Variants in XIST observed in about 807,000 individuals in gnomAD.
The protein encoded by XIST is X inactive specific transcript (non-protein coding).
At position 73,847,640 on chromosome X, in the gene XIST, A is replaced by G. The variant is rs770068885; in HGVS notation, n.5084T>C. 8.7e-5 allele frequency: 45 copies of G among 516,504 alleles called. No individual in the cohort carries two copies. The Admixed American group carries it at 1.2e-3, about 13-fold the overall frequency. The allele number at this position is 516,504 out of a possible 1,213,427, so 42.6% of individuals were successfully genotyped here. On this transcript the variant is annotated non_coding_transcript_exon_variant, in exon 1 of 6. Transcript: ENST00000429829. ...AAAAGCTAGATATTAGCTTGATATAAAAGACTCAGTTCTAATCAATTAGAC... is the reference window on the plus strand; with the variant it reads ...AAAAGCTAGATATTAGCTTGATATAGAAGACTCAGTTCTAATCAATTAGAC...
chrX:73,832,251 T>A (rs1231381612), intron 3 of XIST, among the ~76,000 whole-genome samples: 1 of 110,584 alleles, frequency 9.0e-6, no homozygotes, highest in East Asian at 2.8e-4. Context: ...GGAGAATAAC[T>A]TGAACCCAGG....
exon 1 of XIST, chrX:73,847,828 G>A (rs773569388): frequency 1.8e-6 from 1 of 558,873 alleles, no homozygotes; most frequent in Non-Finnish European, 3.2e-6. Flanking sequence ...AGGTTTAAAG[G>A]GAGAGACCAT....
exon 6 of XIST, chrX:73,823,910 C>T (rs183652815): frequency 7.2e-6 from 4 of 554,448 alleles, no homozygotes; most frequent in Admixed American, 2.2e-5. Flanking sequence ...CATGTAGTTC[C>T]GAGCCCCACA....
intron 3 of XIST, chrX:73,831,431 G>A: frequency 3.0e-6 from 1 of 331,128 alleles, no homozygotes; most frequent in Non-Finnish European, 5.2e-6. Flanking sequence ...TTATATTCTG[G>A]CTACCAACTT....
exon 1 of XIST, chrX:73,844,278 T>G: frequency 1.8e-6 from 1 of 559,255 alleles, no homozygotes; most frequent in Non-Finnish European, 3.2e-6. Flanking sequence ...CATACATTAA[T>G]GTCCAAGGGA....
chrX:73,851,690 A>G (rs767803413), exon 1 of XIST: 18 of 557,284 alleles, frequency 3.2e-5, no homozygotes, highest in Non-Finnish European at 5.2e-5. Flanking sequence ...AAATCAATTC[A>G]TTCAGATAGG....
chrX:73,852,219 G>A (rs1359829355), exon 1 of XIST: 6 of 539,758 alleles, frequency 1.1e-5, no homozygotes, highest in Non-Finnish European at 2.0e-5. Flanking sequence ...AGAGGGGAAG[G>A]GAATCAGCAG....
Position 73,825,820 on chromosome X carries a change from G to A in XIST, n.14081C>T, listed in dbSNP as rs756864449. On this transcript the variant is annotated non_coding_transcript_exon_variant, in exon 6 of 6. Transcript: ENST00000429829. ...ATACACTAATTGGTTTTTCTCTTAT[G>A]TTTTACAGTGCTTTCATACACATTA... 9 of 543,921 alleles carry A rather than the reference G, an allele frequency of 1.7e-5. No homozygotes were observed. The East Asian group carries it at 3.0e-4, about 18-fold the overall frequency. 44.8% of individuals were successfully genotyped at this position (543,921 alleles called of 1,213,427 possible).
chrX:73,851,714 A>C, exon 1 of XIST: 1 of 559,134 alleles, frequency 1.8e-6, no homozygotes, highest in Non-Finnish European at 3.2e-6. Context: ...AGCTCATGCA[A>C]TGCACATGAC....
exon 1 of XIST, chrX:73,844,947 G>T (rs1276480224): frequency 3.6e-6 from 2 of 553,967 alleles, no homozygotes; most frequent in Non-Finnish European, 6.5e-6. Flanking sequence ...GGGTGGGGCA[G>T]GGGAGGCTTC....
chrX:73,828,434 G>C (rs1857976206), intron 5 of XIST: 1 of 119,618 alleles, frequency 8.4e-6, no homozygotes, highest in Non-Finnish European at 1.7e-5. Context: ...AGTTGTCAAA[G>C]GTCATATACC....
At chrX:73,835,151 T>C (rs1569511960) in intron 2 of XIST, among the ~76,000 whole-genome samples, 1 of 111,300 alleles carries the variant, frequency 9.0e-6, no homozygotes, top group African/African-American at 3.3e-5. Context: ...AACTGTGGGG[T>C]CTGTGCATAG....
chrX:73,833,101 C>A, intron 3 of XIST: 1 of 431,743 alleles, frequency 2.3e-6, no homozygotes, highest in East Asian at 3.7e-5. Context: ...CAAGTGATCC[C>A]CCCACCTCAA....
rs775058574 is a variant in XIST at position 73,847,201 on chromosome X, G to A, written n.5523C>T. Reference sequence around the variant, plus strand: ...AAGTATGCACATTAACAGTCCAAGAGAGTGAATTCAGGCTAGTTAGAAGCT... The same window carrying A: ...AAGTATGCACATTAACAGTCCAAGAAAGTGAATTCAGGCTAGTTAGAAGCT... On this transcript the variant is annotated non_coding_transcript_exon_variant, in exon 1 of 6. Coordinates refer to ENST00000429829, the Ensembl canonical transcript of XIST. 7.2e-6 allele frequency: 4 copies of A among 558,959 alleles called. No homozygotes were observed. In the East Asian group the frequency reaches 1.3e-4, roughly 18 times the overall value. The allele number at this position is 558,959 out of a possible 1,213,427, so 46.1% of individuals were successfully genotyped here.
At chrX:73,845,956 A>T in exon 1 of XIST, 1 of 554,968 alleles carries the variant, frequency 1.8e-6, no homozygotes, top group East Asian at 3.3e-5. Flanking sequence ...TGAGAGTAGG[A>T]CCTTATTCAG....
At position 73,849,017 on chromosome X, in the gene XIST, CAA is replaced by C. The variant is rs768577354; in HGVS notation, n.3705_3706del. On this transcript the variant is annotated non_coding_transcript_exon_variant, in exon 1 of 6. Transcript: ENST00000429829. The stretch of plus-strand genomic sequence containing the variant: ...ATGAGTCAGTCCCACTGCTGTTATG[CAA>C]AGATGTTTGCAAAGGCCATAGTGTA... 3 of 557,056 alleles carry C rather than the reference CAA, an allele frequency of 5.4e-6. No homozygotes were observed. The African/African-American group carries it at 6.7e-5, about 12-fold the overall frequency. The allele number at this position is 557,056 out of a possible 1,213,427, so 45.9% of individuals were successfully genotyped here. A position where few individuals can be genotyped will look rare whatever the true frequency, so the allele number is the denominator to read the frequency against.
chrX:73,842,029 G>GTGT lies in XIST; in HGVS notation n.10692_10694dup. 3 of 549,833 alleles carry GTGT rather than the reference G, an allele frequency of 5.5e-6. No homozygotes were observed. In the South Asian group the frequency reaches 6.9e-5, roughly 13 times the overall value. The allele number at this position is 549,833 out of a possible 1,213,427, so 45.3% of individuals were successfully genotyped here. A position where few individuals can be genotyped will look rare whatever the true frequency, so the allele number is the denominator to read the frequency against. Reference sequence around the variant, plus strand: ...TTTGATATTAAAATAGCAAGAGTCAGTGTTCTATCCACAGACCCACCACCC... The same window carrying GTGT: ...TTTGATATTAAAATAGCAAGAGTCAGTGTTGTTCTATCCACAGACCCACCACCC... On this transcript the variant is annotated non_coding_transcript_exon_variant, in exon 1 of 6. Coordinates refer to ENST00000429829, the Ensembl canonical transcript of XIST.
In XIST at chrX:73,843,549, G is replaced by C. The variant is rs752713400; in HGVS notation, n.9175C>G. 15 of 557,104 alleles carry C rather than the reference G, an allele frequency of 2.7e-5. No homozygotes were observed. The Admixed American group carries it at 3.3e-4, about 12-fold the overall frequency. 45.9% of individuals were successfully genotyped at this position (557,104 alleles called of 1,213,427 possible). ...TAATTAACATGCCCCTGATGCAAGGGGAATATGTGGAGATCAACTCTTAGT... is the reference window on the plus strand; with the variant it reads ...TAATTAACATGCCCCTGATGCAAGGCGAATATGTGGAGATCAACTCTTAGT... On this transcript the variant is annotated non_coding_transcript_exon_variant, in exon 1 of 6. Coordinates refer to ENST00000429829, the Ensembl canonical transcript of XIST.
exon 6 of XIST, chrX:73,821,719 G>C (rs912555349): frequency 6.4e-5 from 34 of 531,917 alleles, no homozygotes; most frequent in Admixed American, 4.4e-4. Context: ...AAACGGAAAA[G>C]GTCAAAGCCC....
Sources: gnomAD v4.1 joint callset for allele counts (sites outside exome capture counted in the v4.1 genomes callset) on GRCh38, gnomAD v4.1.1 for gene constraint, MANE v1.5 for transcripts, NCBI Gene and HGNC (gene_info 2026-07-23, HGNC 2026-07-21) for gene names.